Variants in MINDY3 observed in about 807,000 individuals in gnomAD.
MINDY3 encodes the protein ubiquitin carboxyl-terminal hydrolase MINDY-3.
MINDY3 carries 38 observed loss-of-function variants against 69.2 expected under a neutral mutation model. The observed-to-expected ratio is 0.55, with a 90% confidence interval of 0.42 to 0.72. The LOEUF (loss-of-function observed/expected upper bound fraction) is 0.72. MINDY3 is among the 30% of genes least tolerant of loss of function. The probability of loss-of-function intolerance (pLI) is 0.00; values close to 1 mark genes in which losing one functional copy is unlikely to be tolerated. For synonymous variants in MINDY3, 192 were observed against 180.1 expected (o/e 1.07, Z -0.53); for missense variants, 522 against 519.0 (o/e 1.01, Z -0.06).
intron 8 of MINDY3, among the ~76,000 whole-genome samples, chr10:15,831,931 C>T (rs1840495430): frequency 6.6e-6 from 1 of 152,238 alleles, no homozygotes; most frequent in East Asian, 1.9e-4. Context: ...CCACCTCGGC[C>T]TCCCAAAGTG....
At chr10:15,827,368 C>A (rs1250470178) in intron 8 of MINDY3, among the ~76,000 whole-genome samples, 5 of 151,732 alleles carry the variant, frequency 3.3e-5, no homozygotes, top group Non-Finnish European at 7.4e-5. Context: ...ATGGTAAAAT[C>A]CCGTCTCTAC....
chr10:15,853,505 C>T (rs1040806314), intron 1 of MINDY3, among the ~76,000 whole-genome samples: 2 of 151,866 alleles, frequency 1.3e-5, no homozygotes, highest in African/African-American at 4.9e-5. Context: ...CACCCCCATA[C>T]CCTCACACAA....
At chr10:15,848,633 C>CAAAAAGAAA (rs1834027303) in intron 1 of MINDY3, among the ~76,000 whole-genome samples, 1 of 48,792 alleles carries the variant, frequency 2.0e-5, no homozygotes. Flanking sequence ...GACTTCATCT[C>CAAAAAGAAA]AAAAAAAAAA....
At chr10:15,814,325 T>C (rs1839208404) in intron 10 of MINDY3, among the ~76,000 whole-genome samples, 1 of 152,076 alleles carries the variant, frequency 6.6e-6, no homozygotes, top group Admixed American at 6.6e-5. Context: ...TTGACTACTC[T>C]AAGAAAGTAT....
At chr10:15,849,360 G>T (rs909636375) in intron 1 of MINDY3, among the ~76,000 whole-genome samples, 2 of 152,084 alleles carry the variant, frequency 1.3e-5, no homozygotes, top group Non-Finnish European at 2.9e-5. Context: ...CAGGAAAGAT[G>T]ACAAGTGGTT....
At chr10:15,843,122 C>A in intron 3 of MINDY3, 90 bp downstream of exon 3, 1 of 1,033,486 alleles carries the variant, frequency 9.7e-7, no homozygotes, top group Non-Finnish European at 1.5e-6. Flanking sequence ...AAAAAAAATT[C>A]CCACTGATAC....
At chr10:15,784,723 C>T (rs375119225) in intron 13 of MINDY3, among the ~76,000 whole-genome samples, 27 of 152,014 alleles carry the variant, frequency 1.8e-4, no homozygotes, top group Admixed American at 4.6e-4. Context: ...GGTAAAGGAG[C>T]GAAACTCCAT....
At chr10:15,846,537 A>C (rs1423746970) in intron 2 of MINDY3, among the ~76,000 whole-genome samples, 1 of 152,164 alleles carries the variant, frequency 6.6e-6, no homozygotes, top group East Asian at 1.9e-4. Flanking sequence ...CATTTTAAAA[A>C]AATTCTCCTA....
chr10:15,795,658 G>A (rs1470261357), intron 11 of MINDY3, among the ~76,000 whole-genome samples: 1 of 152,046 alleles, frequency 6.6e-6, no homozygotes, highest in Non-Finnish European at 1.5e-5. Context: ...ACTTTGTTAG[G>A]TAGAATAGCT....
In MINDY3 at chr10:15,779,076, G is replaced by A; in HGVS notation, c.1254C>T (p.Asp418=). ...TTTGCAGACAGCGTTTAATAGGAGT[G>A]TCATCTGTCTGTAGCATGGGATCTT... ...GFEDPMLQTD[D]TPIKRCLQTK... is the part of the protein sequence containing the mutation. The change falls in exon 15 of 15, where the codon GAC becomes GAT. Residue 418 remains aspartate, a synonymous_variant. Coordinates refer to ENST00000277632, the MANE Select transcript of MINDY3 (RefSeq NM_024948.4). 2.5e-6 allele frequency: 4 copies of A among 1,613,576 alleles called. No individual in the cohort carries two copies. The South Asian group carries it at 3.3e-5, about 13-fold the overall frequency.
chr10:15,834,192 G>C (rs1564512070), intron 7 of MINDY3, among the ~76,000 whole-genome samples: 1 of 151,768 alleles, frequency 6.6e-6, no homozygotes, highest in Non-Finnish European at 1.5e-5. Context: ...AGAGGAAAAT[G>C]GGGAATGTTT....
intron 12 of MINDY3, among the ~76,000 whole-genome samples, chr10:15,787,497 C>T (rs1837064107): frequency 6.6e-6 from 1 of 152,282 alleles, no homozygotes; most frequent in Non-Finnish European, 1.5e-5. Flanking sequence ...TCTAGTCAAC[C>T]ACCTTCCTCA....
In MINDY3 at chr10:15,848,461, C is replaced by T. The variant is rs558442545; in HGVS notation, c.95-518G>A. Among the ~76,000 whole-genome samples the T allele has an allele frequency of 2.3e-3, 343 of 151,454 alleles. 1 individual carries two copies. Among genetic ancestry groups the T allele is most frequent in the Non-Finnish European group, 4.0e-3 (273 of 67,834 alleles). ...CATCCTGGCTAACATGATGAAACCCCGTCTCTACTAAAAATACAAAAAATT... is the reference window on the plus strand; with the variant it reads ...CATCCTGGCTAACATGATGAAACCCTGTCTCTACTAAAAATACAAAAAATT... On this transcript the variant is annotated intron_variant, in intron 1 of 14. Coordinates refer to ENST00000277632, the MANE Select transcript of MINDY3 (RefSeq NM_024948.4).
Position 15,837,322 on chromosome 10 carries a change from G to A in MINDY3, c.462-4C>T. The A allele has an allele frequency of 6.4e-7, 1 of 1,567,230 alleles. No homozygotes were observed. Among genetic ancestry groups the A allele is most frequent in the African/African-American group, 1.4e-5 (1 of 72,634 alleles). Reference sequence around the variant, plus strand: ...TAAACTTCTGAACGATCTTTTTCTGGGGGAAAAAAAGAATTAAGTATTGGT... The same window carrying A: ...TAAACTTCTGAACGATCTTTTTCTGAGGGAAAAAAAGAATTAAGTATTGGT... On this transcript the variant is annotated splice_region_variant and splice_polypyrimidine_tract_variant and intron_variant, in intron 5 of 14. Transcript: ENST00000277632.
chr10:15,822,750 A>G (rs1383049513), intron 8 of MINDY3, among the ~76,000 whole-genome samples: 2 of 152,168 alleles, frequency 1.3e-5, no homozygotes, highest in Non-Finnish European at 2.9e-5. Context: ...GGTTGGAGAT[A>G]AAGATTTGGG....
At chr10:15,794,317 T>G (rs1837645426) in intron 11 of MINDY3, among the ~76,000 whole-genome samples, 1 of 152,162 alleles carries the variant, frequency 6.6e-6, no homozygotes, top group Middle Eastern at 3.4e-3. Context: ...GGAAAGAAAA[T>G]TAAATTAGCA....
chr10:15,806,057 G>A (rs1165450469), intron 10 of MINDY3, among the ~76,000 whole-genome samples: 2 of 152,278 alleles, frequency 1.3e-5, no homozygotes, highest in East Asian at 1.9e-4. Context: ...CTACCCACAG[G>A]ATGGGCTGTT....
At chr10:15,859,101 C>T (rs1219838803) in intron 1 of MINDY3, among the ~76,000 whole-genome samples, 1 of 152,076 alleles carries the variant, frequency 6.6e-6, no homozygotes, top group Non-Finnish European at 1.5e-5. Flanking sequence ...TTTTCGCCTG[C>T]AAAGCAACAG....
At chr10:15,832,518 T>G (rs7920842) in intron 8 of MINDY3, among the ~76,000 whole-genome samples, 25,081 of 152,010 alleles carry the variant, frequency 0.16, 5,196 homozygotes, top group African/African-American at 0.49. Context: ...AATAGGATGA[T>G]CTCAATTAAA....
Sources: allele counts gnomAD v4.1 joint callset (sites outside exome capture counted in the v4.1 genomes callset), GRCh38; gene constraint gnomAD v4.1.1; transcripts MANE v1.5; gene names NCBI Gene and HGNC (gene_info 2026-07-23, HGNC 2026-07-21).